Variants in NRG3 observed in about 807,000 individuals in gnomAD.
NRG3 encodes neuregulin 3.
Under a neutral mutation model 66.9 loss-of-function variants are expected in NRG3, and 31 were observed. The observed-to-expected ratio is 0.46, with a 90% CI of 0.35 to 0.63. The LOEUF (loss-of-function observed/expected upper bound fraction) is 0.63. NRG3 is among the 20% of genes least tolerant of loss of function. The pLI, the probability that NRG3 is intolerant of heterozygous loss-of-function variation, is 0.00. For missense variants in NRG3, 910 were observed against 878.9 expected, an observed-to-expected ratio of 1.04 and a Z score of -0.45; for synonymous variants, 393 against 359.4, an observed-to-expected ratio of 1.09 and a Z score of -1.06.
chr10:82,567,304 A>G (rs2045471494), intron 2 of NRG3, among the ~76,000 whole-genome samples: 1 of 152,038 alleles, frequency 6.6e-6, no homozygotes, highest in South Asian at 2.1e-4. Context: ...CTATAGGACA[A>G]TCCTAAATCT....
intron 1 of NRG3, among the ~76,000 whole-genome samples, chr10:82,297,239 A>C (rs2080120673): frequency 6.6e-6 from 1 of 151,378 alleles, no homozygotes; most frequent in South Asian, 2.1e-4. Context: ...GCTACAATAA[A>C]CATAAAAATG....
chr10:82,320,817 C>T (rs942536565), intron 1 of NRG3, among the ~76,000 whole-genome samples: 6 of 152,126 alleles, frequency 3.9e-5, no homozygotes, highest in East Asian at 1.9e-4. Flanking sequence ...CCTGTTTTCA[C>T]GCCCAAATGT....
chr10:82,894,740 T>A, intron 4 of NRG3, among the ~76,000 whole-genome samples: 1 of 152,180 alleles, frequency 6.6e-6, no homozygotes, highest in Non-Finnish European at 1.5e-5. Context: ...CAATAATTTT[T>A]TTTTTAACTT....
intron 2 of NRG3, among the ~76,000 whole-genome samples, chr10:82,732,255 AATCACTAACCAATATCTGTGATATG>A (rs2057948230): frequency 6.6e-6 from 1 of 152,188 alleles, no homozygotes; most frequent in Non-Finnish European, 1.5e-5. Flanking sequence ...TATGCCTTTA[AATCACTAACCAATATCTGTGATATG>A]GTTTGCTTAA....
Position 82,486,492 on chromosome 10 carries a change from G to A in NRG3, c.953+127624G>A, listed in dbSNP as rs913513257. ...TGCAGTGGTGCAATCTTGGCTCACT[G>A]CAACCTCTGTCTCCCGGGTTGAAGC... is the stretch of plus-strand genomic sequence containing the variant. On this transcript the variant is annotated intron_variant, in intron 2 of 8. Coordinates refer to ENST00000372141, the MANE Select transcript of NRG3 (RefSeq NM_001010848.4). Among the ~76,000 whole-genome samples, 7 of 151,786 alleles carry A rather than the reference G, an allele frequency of 4.6e-5. No homozygotes were observed. The East Asian group carries it at 1.4e-3, about 30-fold the overall frequency.
intron 2 of NRG3, among the ~76,000 whole-genome samples, chr10:82,537,834 G>C (rs1013744514): frequency 6.6e-6 from 1 of 152,116 alleles, no homozygotes; most frequent in African/African-American, 2.4e-5. Context: ...TTTAGACTGA[G>C]TGAGTATGAA....
intron 3 of NRG3, among the ~76,000 whole-genome samples, chr10:82,766,938 T>C (rs905057300): frequency 6.6e-6 from 1 of 150,934 alleles, no homozygotes; most frequent in African/African-American, 2.4e-5. Flanking sequence ...ATAGGTATAT[T>C]TTGAAATCTA....
intron 1 of NRG3, among the ~76,000 whole-genome samples, chr10:82,121,090 T>G (rs2068061877): frequency 6.6e-6 from 1 of 152,168 alleles, no homozygotes; most frequent in Non-Finnish European, 1.5e-5. Context: ...CAGTTCCAAC[T>G]GGTAAATTCT....
intron 4 of NRG3, among the ~76,000 whole-genome samples, chr10:82,916,712 T>C (rs1182972636): frequency 1.3e-5 from 2 of 151,588 alleles, no homozygotes; most frequent in Non-Finnish European, 2.9e-5. Flanking sequence ...GCCTCCCAGG[T>C]TCAAGCGATT....
intron 2 of NRG3, among the ~76,000 whole-genome samples, chr10:82,711,758 C>A (rs185441690): frequency 6.6e-6 from 1 of 152,218 alleles, no homozygotes; most frequent in South Asian, 2.1e-4. Flanking sequence ...ATCAATTTTA[C>A]ACCATCTTTA....
chr10:82,846,292 G>C (rs2063305600), intron 3 of NRG3, among the ~76,000 whole-genome samples: 1 of 152,126 alleles, frequency 6.6e-6, no homozygotes, highest in East Asian at 1.9e-4. Context: ...AGATTCAGAA[G>C]AAAAGAGACT....
At chr10:82,183,183 T>C (rs772465199) in intron 1 of NRG3, among the ~76,000 whole-genome samples, 38 of 152,018 alleles carry the variant, frequency 2.5e-4, no homozygotes, top group Non-Finnish European at 3.2e-4. Flanking sequence ...GTTTTTGTTG[T>C]TTCTGTCCAG....
chr10:81,935,207 C>T (rs1847744259), intron 1 of NRG3, among the ~76,000 whole-genome samples: 1 of 152,094 alleles, frequency 6.6e-6, no homozygotes, highest in African/African-American at 2.4e-5. Flanking sequence ...CTTTAGAGAG[C>T]TTTAGCCTAT....
chr10:82,968,297 A>G lies in NRG3; in HGVS notation c.1285-5491A>G, dbSNP rs534855621. On this transcript the variant is annotated intron_variant, in intron 6 of 8. Transcript: ENST00000372141. ...CAAGCAACCTCCGGATAGGAATACC[A>G]GCAATTTAAACTTGAATTTCAGGTA... is the stretch of plus-strand genomic sequence containing the variant. 2.0e-5 allele frequency among the ~76,000 whole-genome samples: 3 copies of G among 152,332 alleles called. No homozygotes were observed. In the South Asian group the frequency reaches 6.2e-4, roughly 32 times the overall value.
At chr10:82,310,276 ATT>A (rs1367171519) in intron 1 of NRG3, among the ~76,000 whole-genome samples, 1 of 152,108 alleles carries the variant, frequency 6.6e-6, no homozygotes, top group East Asian at 1.9e-4. Flanking sequence ...CTTGTGCTGT[ATT>A]TTCCGAGTAA....
At chr10:82,092,413 T>G (rs957179611) in intron 1 of NRG3, among the ~76,000 whole-genome samples, 1 of 151,928 alleles carries the variant, frequency 6.6e-6, no homozygotes, top group Non-Finnish European at 1.5e-5. Flanking sequence ...CACATGCACA[T>G]GCACATTCCT....
intron 1 of NRG3, among the ~76,000 whole-genome samples, chr10:81,892,309 A>G (rs1463068809): frequency 1.3e-5 from 2 of 151,974 alleles, no homozygotes; most frequent in African/African-American, 2.4e-5. Context: ...TTCCAAAAAT[A>G]TATATATACA....
chr10:82,594,143 T>C (rs1444473794), intron 2 of NRG3, among the ~76,000 whole-genome samples: 2 of 152,134 alleles, frequency 1.3e-5, no homozygotes, highest in African/African-American at 4.8e-5. Flanking sequence ...GAGTGATGGA[T>C]TGCTAGAATA....
chr10:82,960,646 A>G (rs528763272), intron 6 of NRG3, among the ~76,000 whole-genome samples: 1 of 152,014 alleles, frequency 6.6e-6, no homozygotes, highest in Non-Finnish European at 1.5e-5. Flanking sequence ...TCCACCACAA[A>G]TGAAGTGAAA....
Sources: gnomAD v4.1 joint callset for allele counts (sites outside exome capture counted in the v4.1 genomes callset) on GRCh38, gnomAD v4.1.1 for gene constraint, MANE v1.5 for transcripts, NCBI Gene and HGNC (gene_info 2026-07-23, HGNC 2026-07-21) for gene names.